The following RSRC1 variants were observed in gnomAD, a reference collection of about 807,000 sequenced individuals.
The protein encoded by RSRC1 is arginine and serine rich coiled-coil 1, also known as serine/Arginine-related protein 53.
A neutral mutation model predicts 49.1 loss-of-function variants in RSRC1; 39 were observed. The observed-to-expected ratio is 0.79, with a 90% CI of 0.61 to 1.04. The LOEUF (loss-of-function observed/expected upper bound fraction) is 1.04. RSRC1 is among the 50% of genes least tolerant of loss of function. The probability of loss-of-function intolerance (pLI) is 0.00; values close to 1 mark genes in which losing one functional copy is unlikely to be tolerated. For missense variants in RSRC1, 388 were observed against 402.4 expected, an observed-to-expected ratio of 0.96 and a Z score of 0.31; for synonymous variants, 143 against 130.8, an observed-to-expected ratio of 1.09 and a Z score of -0.63.
In RSRC1 at chr3:158,293,074, A is replaced by G. The variant is rs144680697; in HGVS notation, c.495-4965A>G. 4.2e-3 allele frequency among the ~76,000 whole-genome samples: 642 copies of G among 152,260 alleles called. 5 individuals carry two copies. Among genetic ancestry groups the G allele is most frequent in the African/African-American group, 0.015 (606 of 41,566 alleles). ...TCTTCCTTATCTTTCTGACCAAAGT[A>G]AAAGTAAAGAAAACTGATTTTCATG... On this transcript the variant is annotated intron_variant, in intron 4 of 9. Coordinates refer to ENST00000611884, the MANE Select transcript of RSRC1 (RefSeq NM_001271838.2).
At position 158,305,169 on chromosome 3, in the gene RSRC1, T is replaced by C. The variant is rs138738114; in HGVS notation, c.531+7094T>C. On this transcript the variant is annotated intron_variant, in intron 5 of 9. Transcript: ENST00000611884. ...TCTCTGCCCTTCCCCAATCCCTCCT[T>C]TCACCCTCTAGAGAAAGATTTGTGT... Among the ~76,000 whole-genome samples, 1,142 of 152,140 alleles carry C rather than the reference T, an allele frequency of 7.5e-3. 13 individuals are homozygous for C. The highest frequency in any genetic ancestry group is 0.026 in the African/African-American group (1,085 of 41,534).
intron 6 of RSRC1, among the ~76,000 whole-genome samples, chr3:158,398,008 C>G (rs1387453580): frequency 2.6e-5 from 4 of 151,998 alleles, no homozygotes; most frequent in African/African-American, 9.7e-5. Context: ...CGTACTGCGA[C>G]TGGGTGACCC....
rs1713271184 is a variant in RSRC1 at position 158,545,193 on chromosome 3, C to CTTTTTTTTTTTTCTTTTTTTTTTTT, written c.*930_*931insCTTTTTTTTTTTTTTTTTTTTTTTT. ...CATGAATATTTCCCGTTTCTATTTT[C>CTTTTTTTTTTTTCTTTTTTTTTTTT]TTTTTTTTTTTTTTTTTTTTTTTTT... On this transcript the variant is annotated 3_prime_UTR_variant, in exon 10 of 10. Transcript: ENST00000611884. 1.3e-5 allele frequency: 1 copy of CTTTTTTTTTTTTCTTTTTTTTTTTT among 74,626 alleles called. No homozygotes were observed. The highest frequency in any genetic ancestry group is 2.7e-5 in the Non-Finnish European group (1 of 37,268). The allele number at this position is 74,626 out of a possible 1,614,324, so 4.6% of individuals were successfully genotyped here.
At chr3:158,516,180 T>C (rs1009600765) in intron 7 of RSRC1, among the ~76,000 whole-genome samples, 4 of 152,214 alleles carry the variant, frequency 2.6e-5, no homozygotes, top group African/African-American at 9.6e-5. Flanking sequence ...TGCTCGCTTT[T>C]TAGAGTTTCC....
intron 4 of RSRC1, chr3:158,225,560 C>T (rs1722482932): frequency 3.0e-6 from 1 of 337,738 alleles, no homozygotes; most frequent in South Asian, 2.4e-5. Flanking sequence ...GTAAGATTTA[C>T]ACCCCTTTTG....
intron 4 of RSRC1, among the ~76,000 whole-genome samples, chr3:158,274,894 A>C (rs1321754002): frequency 6.6e-6 from 1 of 152,168 alleles, no homozygotes; most frequent in Admixed American, 6.5e-5. Flanking sequence ...GGGAATACAC[A>C]CAGTGGGTAA....
intron 3 of RSRC1, among the ~76,000 whole-genome samples, chr3:158,175,722 T>C (rs1578164565): frequency 1.3e-5 from 2 of 152,160 alleles, no homozygotes; most frequent in East Asian, 1.9e-4. Context: ...TATCCAGTTC[T>C]TTTTTGTAAG....
intron 4 of RSRC1, among the ~76,000 whole-genome samples, chr3:158,256,140 G>A (rs146733893): frequency 0.016 from 2,445 of 152,104 alleles, 87 homozygotes; most frequent in African/African-American, 0.056. Flanking sequence ...GTCTTGTGCC[G>A]GTTTTCAGAG....
chr3:158,377,231 C>A (rs537853356), intron 6 of RSRC1, among the ~76,000 whole-genome samples: 1 of 152,252 alleles, frequency 6.6e-6, no homozygotes, highest in South Asian at 2.1e-4. Context: ...GTAATTTCTT[C>A]AAATGTACAC....
chr3:158,328,003 G>A (rs1470026435), intron 5 of RSRC1, among the ~76,000 whole-genome samples: 2 of 151,978 alleles, frequency 1.3e-5, no homozygotes, highest in East Asian at 1.9e-4. Flanking sequence ...TCTTTGTCTC[G>A]TTTGATGTTT....
intron 4 of RSRC1, among the ~76,000 whole-genome samples, chr3:158,229,973 G>A (rs1722860909): frequency 6.6e-6 from 1 of 152,036 alleles, no homozygotes; most frequent in South Asian, 2.1e-4. Context: ...CATGGTCCCA[G>A]TTAATGTCAT....
At chr3:158,124,127 G>C (rs1273792756) in intron 3 of RSRC1, 136 bp downstream of exon 3, 4 of 530,150 alleles carry the variant, frequency 7.5e-6, no homozygotes, top group African/African-American at 1.9e-5. Flanking sequence ...TTCTCACCTG[G>C]GGTCATTCAT....
At chr3:158,397,729 T>A (rs1445237586) in intron 6 of RSRC1, among the ~76,000 whole-genome samples, 1 of 152,106 alleles carries the variant, frequency 6.6e-6, no homozygotes, top group African/African-American at 2.4e-5. Flanking sequence ...CAATAAGCTT[T>A]TTTCTGCTTC....
chr3:158,339,155 G>A (rs912954878), intron 5 of RSRC1, among the ~76,000 whole-genome samples: 3 of 151,908 alleles, frequency 2.0e-5, no homozygotes, highest in Non-Finnish European at 2.9e-5. Context: ...AGCCGGGCGC[G>A]GTGGCGGGCG....
At chr3:158,194,699 G>A (rs1356135307) in intron 3 of RSRC1, among the ~76,000 whole-genome samples, 70 of 131,402 alleles carry the variant, frequency 5.3e-4, no homozygotes, top group Non-Finnish European at 2.3e-4. Context: ...TCCTGTGTCC[G>A]TGTGTTCTCA....
chr3:158,442,880 G>C (rs1177716666), intron 6 of RSRC1, among the ~76,000 whole-genome samples: 9 of 152,094 alleles, frequency 5.9e-5, no homozygotes, highest in Non-Finnish European at 1.2e-4. Context: ...TGAATGTTCT[G>C]TTAGCAGGCG....
chr3:158,518,670 C>G (rs1740739810), intron 7 of RSRC1, among the ~76,000 whole-genome samples: 1 of 152,058 alleles, frequency 6.6e-6, no homozygotes, highest in Non-Finnish European at 1.5e-5. Context: ...CTGCTTTTGT[C>G]AAAATCACCA....
intron 4 of RSRC1, among the ~76,000 whole-genome samples, chr3:158,260,316 A>G (rs1161368255): frequency 2.0e-5 from 3 of 152,118 alleles, no homozygotes; most frequent in Non-Finnish European, 4.4e-5. Flanking sequence ...TCAAGGCAGC[A>G]CATTCTCTTC....
rs936357979 is a variant in RSRC1, at chr3:158,355,044, T to C, written c.583+136T>C. 19 of 533,576 alleles carry C rather than the reference T, an allele frequency of 3.6e-5. 1 individual carries two copies. The South Asian group carries it at 5.9e-4, about 16-fold the overall frequency. The allele number at this position is 533,576 out of a possible 1,614,324, so 33.1% of individuals were successfully genotyped here. A position where few individuals can be genotyped will look rare whatever the true frequency, so the allele number is the denominator to read the frequency against. On this transcript the variant is annotated intron_variant, in intron 6 of 9. Transcript: ENST00000611884. The stretch of plus-strand genomic sequence containing the variant: ...ACAAATTTATCAGATCTAGATTATA[T>C]GTATGGCCATATATTATCTGAAATA...
Sources: gnomAD v4.1 joint callset for allele counts (sites outside exome capture counted in the v4.1 genomes callset) on GRCh38, gnomAD v4.1.1 for gene constraint, MANE v1.5 for transcripts, NCBI Gene and HGNC (gene_info 2026-07-23, HGNC 2026-07-21) for gene names.